The following NCOA1 variants were observed in gnomAD, a reference collection of about 807,000 sequenced individuals.
The protein encoded by NCOA1 is nuclear receptor coactivator 1.
In NCOA1, 35 loss-of-function variants were observed where a neutral mutation model predicts 150.9. The observed-to-expected ratio is 0.23, with a 90% confidence interval of 0.18 to 0.31. NCOA1 has a LOEUF of 0.31. Ranked by LOEUF, NCOA1 falls within the 10% of genes least tolerant of loss-of-function variation. The probability of loss-of-function intolerance (pLI) is 1.00; values close to 1 mark genes in which losing one functional copy is unlikely to be tolerated. For synonymous variants in NCOA1, 590 were observed against 630.0 expected (o/e 0.94, Z 0.95); for missense variants, 1,491 against 1,749.3 (o/e 0.85, Z 2.63).
intron 1 of NCOA1, among the ~76,000 whole-genome samples, chr2:24,531,575 T>G (rs990231850): frequency 6.6e-6 from 1 of 152,218 alleles, no homozygotes; most frequent in East Asian, 1.9e-4. Context: ...TCATTTACAT[T>G]AGGTATTTAT....
At chr2:24,569,152 A>G (rs1274308491) in intron 2 of NCOA1, among the ~76,000 whole-genome samples, 1 of 152,136 alleles carries the variant, frequency 6.6e-6, no homozygotes. Context: ...AGTGTTGAAG[A>G]AAATAGTAAA....
At chr2:24,689,083 G>A (rs902115238) in intron 8 of NCOA1, among the ~76,000 whole-genome samples, 4 of 151,412 alleles carry the variant, frequency 2.6e-5, no homozygotes, top group Admixed American at 2.0e-4. Flanking sequence ...TTCTAGGCTC[G>A]GTATTCTATT....
chr2:24,509,682 G>A (rs1663849009), intron 1 of NCOA1, among the ~76,000 whole-genome samples: 1 of 152,198 alleles, frequency 6.6e-6, no homozygotes, highest in Admixed American at 6.5e-5. Flanking sequence ...GGTTGCTTGA[G>A]AGTCCCTGGG....
Position 24,680,380 on chromosome 2 carries a change from G to A in NCOA1, c.355-2571G>A, listed in dbSNP as rs1009670470. Among the ~76,000 whole-genome samples, 3 of 152,322 alleles carry A rather than the reference G, an allele frequency of 2.0e-5. No homozygotes were observed. In the South Asian group the frequency reaches 6.2e-4, roughly 32 times the overall value. ...TAAGAAAATGCTGTGTATACACAGA[G>A]CGGAATACTATTCAGCCTTTAAAAA... On this transcript the variant is annotated intron_variant, in intron 7 of 22. Coordinates refer to ENST00000348332, the MANE Select transcript of NCOA1 (RefSeq NM_003743.5).
intron 1 of NCOA1, among the ~76,000 whole-genome samples, chr2:24,507,443 T>TTG (rs1236594162): frequency 6.6e-6 from 1 of 151,208 alleles, no homozygotes; most frequent in Non-Finnish European, 1.5e-5. Context: ...GGGTTTTTTT[T>TTG]TTTTTTTTTT....
chr2:24,578,950 G>A (rs761660008), intron 2 of NCOA1, among the ~76,000 whole-genome samples: 1 of 152,142 alleles, frequency 6.6e-6, no homozygotes, highest in Non-Finnish European at 1.5e-5. Flanking sequence ...ATAAGTGTTA[G>A]CACTGTGACA....
At chr2:24,575,756 G>A (rs1297858809) in intron 2 of NCOA1, among the ~76,000 whole-genome samples, 1 of 151,856 alleles carries the variant, frequency 6.6e-6, no homozygotes, top group Non-Finnish European at 1.5e-5. Context: ...TGTATTTTTA[G>A]TAGAGACGGG....
intron 18 of NCOA1, among the ~76,000 whole-genome samples, chr2:24,739,823 A>G (rs1663515117): frequency 6.6e-6 from 1 of 152,190 alleles, no homozygotes; most frequent in Admixed American, 6.5e-5. Flanking sequence ...AGCACCAGTA[A>G]CAGGAAGCCT....
chr2:24,639,962 A>G (rs1445159255), intron 3 of NCOA1, among the ~76,000 whole-genome samples: 1 of 108,344 alleles, frequency 9.2e-6, no homozygotes, highest in East Asian at 2.7e-4. Flanking sequence ...ATATATATAT[A>G]TATATATATT....
At chr2:24,721,405 T>C (rs1359392933) in intron 14 of NCOA1, among the ~76,000 whole-genome samples, 3 of 152,216 alleles carry the variant, frequency 2.0e-5, no homozygotes, top group Admixed American at 6.5e-5. Context: ...TCTCTCCATA[T>C]ATATTGAAAA....
intron 1 of NCOA1, among the ~76,000 whole-genome samples, chr2:24,545,684 A>G (rs1035860407): frequency 6.6e-6 from 1 of 152,218 alleles, no homozygotes; most frequent in Non-Finnish European, 1.5e-5. Flanking sequence ...AATGTTGGTG[A>G]TCTCAGAGGG....
chr2:24,766,849 T>C (rs1665090568), intron 22 of NCOA1, among the ~76,000 whole-genome samples: 1 of 151,916 alleles, frequency 6.6e-6, no homozygotes, highest in South Asian at 2.1e-4. Flanking sequence ...ACTGGGCGCG[T>C]TGGTGTGTTA....
chr2:24,748,384 G>A (rs1664047511), intron 19 of NCOA1, among the ~76,000 whole-genome samples: 1 of 152,110 alleles, frequency 6.6e-6, no homozygotes, highest in Non-Finnish European at 1.5e-5. Context: ...GGCCGAGGCA[G>A]GCGGATCACA....
At chr2:24,746,859 T>C (rs1663947954) in intron 19 of NCOA1, among the ~76,000 whole-genome samples, 2 of 152,126 alleles carry the variant, frequency 1.3e-5, no homozygotes, top group Admixed American at 6.5e-5. Context: ...ACCTATAGAC[T>C]CTGGGGTAGT....
At chr2:24,664,901 A>T (rs1671347054) in intron 5 of NCOA1, among the ~76,000 whole-genome samples, 1 of 152,190 alleles carries the variant, frequency 6.6e-6, no homozygotes, top group Non-Finnish European at 1.5e-5. Flanking sequence ...TAGTTTGATG[A>T]AAACAAAATT....
chr2:24,710,069 T>TTTTTA (rs200816186), intron 13 of NCOA1, among the ~76,000 whole-genome samples: 6,890 of 151,536 alleles, frequency 0.045, 186 homozygotes, highest in East Asian at 0.13. Context: ...TATTTATTCT[T>TTTTTA]TTTTATTTTA....
intron 7 of NCOA1, 146 bp from the exon 8 acceptor site, chr2:24,682,805 C>T: frequency 2.2e-6 from 1 of 462,354 alleles, no homozygotes; most frequent in Non-Finnish European, 3.3e-6. Context: ...GTTTATGTCT[C>T]TCTCTCCTGC....
At chr2:24,557,981 T>C (rs997948265) in intron 1 of NCOA1, among the ~76,000 whole-genome samples, 1 of 150,896 alleles carries the variant, frequency 6.6e-6, no homozygotes, top group Non-Finnish European at 1.5e-5. Context: ...ATTTTTTGGA[T>C]CTCTGGTTCA....
chr2:24,673,203 T>C lies in NCOA1; in HGVS notation c.257-163T>C, dbSNP rs1671759365. 3.9e-5 allele frequency among the ~76,000 whole-genome samples: 6 copies of C among 152,236 alleles called. No individual in the cohort carries two copies. In the South Asian group the frequency reaches 6.2e-4, roughly 16 times the overall value. On this transcript the variant is annotated intron_variant, in intron 6 of 22. Transcript: ENST00000348332. ...TTAACCTTTGTGATGTTCCATTTTATGATCCATAAAATGAGTATAATTAAG... is the reference window on the plus strand; with the variant it reads ...TTAACCTTTGTGATGTTCCATTTTACGATCCATAAAATGAGTATAATTAAG...
Sources: gnomAD v4.1 joint callset for allele counts (sites outside exome capture counted in the v4.1 genomes callset) on GRCh38, gnomAD v4.1.1 for gene constraint, MANE v1.5 for transcripts, NCBI Gene and HGNC (gene_info 2026-07-23, HGNC 2026-07-21) for gene names.